Variants in HS6ST1 observed in about 807,000 individuals in gnomAD.
HS6ST1 encodes the protein heparan sulfate 6-O-sulfotransferase 1, also known as heparan-sulfate 6-O-sulfotransferase 1.
HS6ST1 carries 3 observed loss-of-function variants against 25.2 expected under a neutral mutation model. That is an observed-to-expected ratio of 0.12 (90% CI 0.05 to 0.31). HS6ST1 has a LOEUF of 0.31. Ranked by LOEUF, HS6ST1 falls within the 10% of genes least tolerant of loss-of-function variation. The pLI, the probability that HS6ST1 is intolerant of heterozygous loss-of-function variation, is 1.00. For missense variants in HS6ST1, 310 were observed against 609.6 expected, an observed-to-expected ratio of 0.51 and a Z score of 5.18; for synonymous variants, 204 against 275.1, an observed-to-expected ratio of 0.74 and a Z score of 2.56.
chr2:128,305,799 T>C (rs1694199781), intron 1 of HS6ST1, among the ~76,000 whole-genome samples: 1 of 152,228 alleles, frequency 6.6e-6, no homozygotes, highest in Non-Finnish European at 1.5e-5. Flanking sequence ...CAGCTGGACC[T>C]TGAGGAGGGT....
chr2:128,291,616 T>C (rs1693953754), intron 1 of HS6ST1, among the ~76,000 whole-genome samples: 1 of 152,222 alleles, frequency 6.6e-6, no homozygotes, highest in African/African-American at 2.4e-5. Context: ...GCTGACGCCA[T>C]GCCTGGGGCA....
At chr2:128,277,637 A>G (rs1435789851) in intron 1 of HS6ST1, among the ~76,000 whole-genome samples, 1 of 152,172 alleles carries the variant, frequency 6.6e-6, no homozygotes, top group East Asian at 1.9e-4. Context: ...TTCTCCGAGG[A>G]GGGTGAGGAC....
In HS6ST1 at chr2:128,268,237, C is replaced by A; in HGVS notation, c.1161G>T (p.Leu387=). 1 of 1,610,890 alleles carries A rather than the reference C, an allele frequency of 6.2e-7. No homozygotes were observed. Among genetic ancestry groups the A allele is most frequent in the Non-Finnish European group, 8.5e-7 (1 of 1,179,166 alleles). Residue 387 remains leucine (L), a synonymous_variant, in exon 2 of 2, where the codon CTG becomes CTT. Coordinates refer to ENST00000259241, the MANE Select transcript of HS6ST1 (RefSeq NM_004807.3). ...CCGGCTCGTCGGCATCCTCCCGCGG[C>A]AGTGCCTCCTTGGCCCGGTGCAGCA... The part of the protein sequence containing the change: ...ERLLHRAKEA[L]PREDADEPGR...
intron 1 of HS6ST1, among the ~76,000 whole-genome samples, chr2:128,292,788 G>C (rs1175437605): frequency 1.3e-5 from 2 of 152,116 alleles, no homozygotes; most frequent in African/African-American, 4.8e-5. Flanking sequence ...GGCGGGCAGA[G>C]GAACAAGGGC....
At chr2:128,288,317 G>C (rs6736450) in intron 1 of HS6ST1, among the ~76,000 whole-genome samples, 4,629 of 152,184 alleles carry the variant, frequency 0.03, 245 homozygotes, top group African/African-American at 0.11. Flanking sequence ...AGGTCCTGCC[G>C]GGGTGTGCAG....
chr2:128,281,454 C>T (rs762945344), intron 1 of HS6ST1, among the ~76,000 whole-genome samples: 7 of 152,170 alleles, frequency 4.6e-5, no homozygotes, highest in Non-Finnish European at 8.8e-5. Context: ...TGTGACTGTC[C>T]GGCCATCAGG....
chr2:128,286,567 G>A (rs565156772), intron 1 of HS6ST1, among the ~76,000 whole-genome samples: 9 of 152,324 alleles, frequency 5.9e-5, no homozygotes, highest in African/African-American at 1.7e-4. Context: ...CCAAATGCAC[G>A]GGTTGGTCAG....
At chr2:128,286,496 G>C (rs1228888879) in intron 1 of HS6ST1, among the ~76,000 whole-genome samples, 1 of 152,220 alleles carries the variant, frequency 6.6e-6, no homozygotes, top group Non-Finnish European at 1.5e-5. Context: ...GCAGAGGACA[G>C]GCAGGAGGCC....
chr2:128,318,294 G>A lies in HS6ST1; in HGVS notation c.270C>T (p.Val90=), dbSNP rs776797472. The A allele has an allele frequency of 6.2e-7, 1 of 1,600,364 alleles. No homozygotes were observed. The highest frequency in any genetic ancestry group is 8.5e-7 in the Non-Finnish European group (1 of 1,170,270). The change falls in exon 1 of 2, where the codon GTC becomes GTT. Residue 90 remains valine (V), a synonymous_variant. Coordinates refer to ENST00000259241, the MANE Select transcript of HS6ST1 (RefSeq NM_004807.3). This position sits in a 1 kb window ranked among gnomAD's most constrained non-coding sequence, Gnocchi z 5.7. The part of the protein sequence containing the change: ...RFDMKGDDVI[V]FLHIQKTGGT... ...CGCCCGTCTTCTGGATGTGCAGGAA[G>A]ACGATCACGTCGTCGCCCTTCATGT... is the stretch of plus-strand genomic sequence containing the variant.
At chr2:128,311,721 A>G (rs1457213431) in intron 1 of HS6ST1, among the ~76,000 whole-genome samples, 1 of 152,188 alleles carries the variant, frequency 6.6e-6, no homozygotes, top group Non-Finnish European at 1.5e-5. Flanking sequence ...TCCAGCATTC[A>G]CTGGGGCAGA....
intron 1 of HS6ST1, among the ~76,000 whole-genome samples, chr2:128,273,523 T>C (rs978329136): frequency 3.3e-5 from 5 of 152,324 alleles, no homozygotes; most frequent in African/African-American, 7.2e-5. Context: ...CGCCCCTCCA[T>C]AGCCGGTGGG....
chr2:128,266,759 T>A lies in HS6ST1; in HGVS notation c.*1403A>T, dbSNP rs1447720976. The A allele has an allele frequency of 6.6e-6, 1 of 152,316 alleles. No homozygotes were observed. Among genetic ancestry groups the A allele is most frequent in the Non-Finnish European group, 1.5e-5 (1 of 68,168 alleles). 9.4% of individuals were successfully genotyped at this position (152,316 alleles called of 1,614,324 possible). A position where few individuals can be genotyped will look rare whatever the true frequency, so the allele number is the denominator to read the frequency against. ...AATCTACTCTCTGGGGGATCCAGGG[T>A]GCCTGTGTGGGCCCTCCTAGAGACA... is the stretch of plus-strand genomic sequence containing the variant. On this transcript the variant is annotated 3_prime_UTR_variant, in exon 2 of 2. Transcript: ENST00000259241.
At chr2:128,298,179 A>C (rs1311644202) in intron 1 of HS6ST1, among the ~76,000 whole-genome samples, 1 of 152,144 alleles carries the variant, frequency 6.6e-6, no homozygotes, top group Non-Finnish European at 1.5e-5. Flanking sequence ...AATGTTAGCA[A>C]GGATGTAGAG....
At chr2:128,279,180 C>T (rs1012138995) in intron 1 of HS6ST1, among the ~76,000 whole-genome samples, 6 of 151,990 alleles carry the variant, frequency 3.9e-5, no homozygotes, top group Admixed American at 2.0e-4. Flanking sequence ...GATGGGGGTG[C>T]GGGGGTGGGT....
chr2:128,308,060 A>G (rs912407070), intron 1 of HS6ST1, among the ~76,000 whole-genome samples: 1 of 152,252 alleles, frequency 6.6e-6, no homozygotes, highest in Non-Finnish European at 1.5e-5. Context: ...GCAGAGTTTG[A>G]TAAGGGTTCT....
intron 1 of HS6ST1, among the ~76,000 whole-genome samples, chr2:128,300,185 C>T (rs116311046): frequency 0.013 from 1,995 of 152,318 alleles, 53 homozygotes; most frequent in African/African-American, 0.045. Flanking sequence ...AGGCCCATCC[C>T]CAACCCACGG....
rs10175569 is a variant in HS6ST1 at position 128,308,954 on chromosome 2, G to A, written c.527+9083C>T. Among the ~76,000 whole-genome samples the A allele has an allele frequency of 1.5e-3, 231 of 152,306 alleles. 1 individual carries two copies. Among genetic ancestry groups the A allele is most frequent in the African/African-American group, 5.3e-3 (222 of 41,568 alleles). ...CCTCTTATAGTACAGAGGCCACAGT[G>A]GAACTGTGGGTATAATTCCAACTGT... On this transcript the variant is annotated intron_variant, in intron 1 of 1. Coordinates refer to ENST00000259241, the MANE Select transcript of HS6ST1 (RefSeq NM_004807.3).
At chr2:128,301,560 C>T (rs1343770179) in intron 1 of HS6ST1, among the ~76,000 whole-genome samples, 1 of 152,190 alleles carries the variant, frequency 6.6e-6, no homozygotes, top group African/African-American at 2.4e-5. Flanking sequence ...TCCCCAAGTG[C>T]CAACCACTTG....
chr2:128,300,242 C>A (rs1211457541), intron 1 of HS6ST1, among the ~76,000 whole-genome samples: 1 of 152,186 alleles, frequency 6.6e-6, no homozygotes, highest in Non-Finnish European at 1.5e-5. Context: ...GTGCAGGAGG[C>A]CCACACAGCG....
Sources: allele counts gnomAD v4.1 joint callset (sites outside exome capture counted in the v4.1 genomes callset), GRCh38; gene constraint gnomAD v4.1.1; non-coding constraint Gnocchi (gnomAD v3.1); transcripts MANE v1.5; gene names NCBI Gene and HGNC (gene_info 2026-07-23, HGNC 2026-07-21).